SRPRB: variants seen among roughly 807,000 people sequenced by gnomAD.
SRPRB encodes the protein SRP receptor subunit beta.
A neutral mutation model predicts 31.9 loss-of-function variants in SRPRB; 20 were observed. The ratio of observed to expected loss-of-function variants is 0.63; its 90% CI spans 0.44 to 0.91. The LOEUF (loss-of-function observed/expected upper bound fraction) is 0.91. SRPRB is among the 40% of genes least tolerant of loss of function. The pLI, the probability that SRPRB is intolerant of heterozygous loss-of-function variation, is 0.00. For synonymous variants in SRPRB, 146 were observed against 132.8 expected, an observed-to-expected ratio of 1.10 and a Z score of -0.68; for missense variants, 321 against 324.9, an observed-to-expected ratio of 0.99 and a Z score of 0.09.
chr3:133,796,427 C>T (rs149408359), intron 1 of SRPRB: 4 of 152,326 alleles, frequency 2.6e-5, no homozygotes, highest in African/African-American at 9.7e-5. Context: ...ATGCTCACTT[C>T]CTAGAACTAA....
At chr3:133,814,356 C>T (rs1935328031) in intron 4 of SRPRB, among the ~76,000 whole-genome samples, 1 of 152,174 alleles carries the variant, frequency 6.6e-6, no homozygotes, top group Admixed American at 6.5e-5. Context: ...TGGTCTCGAT[C>T]TCCTGACCTC....
chr3:133,791,843 G>A (rs1179909355), intron 1 of SRPRB: 2 of 152,124 alleles, frequency 1.3e-5, no homozygotes, highest in African/African-American at 4.8e-5. Context: ...TATGTGTTGT[G>A]TGTGTACTAT....
At chr3:133,799,881 CCT>C (rs1486255990) in intron 1 of SRPRB, among the ~76,000 whole-genome samples, 2 of 152,156 alleles carry the variant, frequency 1.3e-5, no homozygotes, top group Non-Finnish European at 2.9e-5. Flanking sequence ...TGGAATGTTC[CCT>C]TGTAGAACAC....
upstream of SRPRB, chr3:133,805,808 C>G (rs760134691): frequency 6.3e-7 from 1 of 1,576,288 alleles, no homozygotes; most frequent in Admixed American, 1.8e-5. Context: ...GAGTGCAGGG[C>G]CACGTCGCTT....
upstream of SRPRB, among the ~76,000 whole-genome samples, chr3:133,804,377 A>C (rs1935112590): frequency 6.6e-6 from 1 of 152,152 alleles, no homozygotes; most frequent in Admixed American, 6.5e-5. Flanking sequence ...TTATTCTGGA[A>C]TAGGCATTGC....
At chr3:133,797,211 T>G (rs1934989889) in intron 1 of SRPRB, among the ~76,000 whole-genome samples, 1 of 152,232 alleles carries the variant, frequency 6.6e-6, no homozygotes, top group African/African-American at 2.4e-5. Flanking sequence ...GTTAGTAAAC[T>G]AATACATTGA....
At chr3:133,802,568 T>C (rs1479435456), upstream of SRPRB, among the ~76,000 whole-genome samples, 1 of 152,206 alleles carries the variant, frequency 6.6e-6, no homozygotes, top group Non-Finnish European at 1.5e-5. Context: ...TCAGACTCAT[T>C]CAAAGCCTTG....
intron 5 of SRPRB, 120 bp from the exon 6 acceptor site, chr3:133,816,758 T>G: frequency 1.4e-6 from 1 of 707,644 alleles, no homozygotes; most frequent in Non-Finnish European, 2.3e-6. Context: ...ATAAAAGGTC[T>G]TTTTTTAAAA....
chr3:133,801,602 T>C (rs1007992181), upstream of SRPRB, among the ~76,000 whole-genome samples: 1 of 152,222 alleles, frequency 6.6e-6, no homozygotes, highest in Non-Finnish European at 1.5e-5. Context: ...ACAGTTACGG[T>C]TGGAACTCTC....
intron 1 of SRPRB, among the ~76,000 whole-genome samples, chr3:133,799,064 A>G (rs1454050640): frequency 6.6e-6 from 1 of 152,200 alleles, no homozygotes; most frequent in Non-Finnish European, 1.5e-5. Flanking sequence ...AAGAAAAACT[A>G]CTAATACCCA....
chr3:133,787,248 T>C lies in SRPRB; in HGVS notation c.-174+3104T>C, dbSNP rs2107947617. 1.3e-5 allele frequency: 2 copies of C among 152,348 alleles called. 1 individual carries two copies. Among genetic ancestry groups the C allele is most frequent in the South Asian group, 4.1e-4 (2 of 4,826 alleles). 9.4% of individuals were successfully genotyped at this position (152,348 alleles called of 1,614,324 possible). A position where few individuals can be genotyped will look rare whatever the true frequency, so the allele number is the denominator to read the frequency against. The stretch of plus-strand genomic sequence containing the variant: ...ATTAGCACATTTTGCACACTTTGTA[T>C]TGAAATTCATAGGAAAGCTTGTCTT... On this transcript the variant is annotated intron_variant, in intron 1 of 7. Coordinates refer to the SRPRB transcript ENST00000466490.
rs1259871562 is a variant in SRPRB, at chr3:133,820,159, G to T, written c.*393G>T. 1.6e-5 allele frequency: 3 copies of T among 189,842 alleles called. No individual in the cohort carries two copies. The highest frequency in any genetic ancestry group is 3.3e-5 in the Non-Finnish European group (3 of 89,642). 11.8% of individuals were successfully genotyped at this position (189,842 alleles called of 1,614,324 possible). A position where few individuals can be genotyped will look rare whatever the true frequency, so the allele number is the denominator to read the frequency against. On this transcript the variant is annotated 3_prime_UTR_variant, in exon 7 of 7. Coordinates refer to ENST00000678299, the MANE Select transcript of SRPRB (RefSeq NM_001379313.1). ...GGAAACAAATCCGCCTATGTATGAA[G>T]CTAGTTGATTTCCAGTTGCACTATT... is the stretch of plus-strand genomic sequence containing the variant.
Position 133,805,839 on chromosome 3 carries a change from C to T in SRPRB, c.-10C>T, listed in dbSNP as rs1935141909. 1 of 1,603,858 alleles carries T rather than the reference C, an allele frequency of 6.2e-7. No individual in the cohort carries two copies. The highest frequency in any genetic ancestry group is 1.1e-5 in the South Asian group (1 of 88,838). ...CGCTTTTGCTGTACCGGGGACCACG[C>T]GTCTCATCCATGGCTTCCGCGGACT... On this transcript the variant is annotated 5_prime_UTR_variant, in exon 1 of 7. Coordinates refer to ENST00000678299, the MANE Select transcript of SRPRB (RefSeq NM_001379313.1).
intron 1 of SRPRB, chr3:133,792,140 A>C (rs1934854603): frequency 6.6e-6 from 1 of 152,218 alleles, no homozygotes; most frequent in African/African-American, 2.4e-5. Context: ...ATTAGATTCT[A>C]GATAAGGCCT....
rs560560573 is a variant in SRPRB at position 133,808,672 on chromosome 3, C to G, written c.327+849C>G. Among the ~76,000 whole-genome samples the G allele has an allele frequency of 3.9e-5, 6 of 152,110 alleles. No individual in the cohort carries two copies. The East Asian group carries it at 1.2e-3, about 30-fold the overall frequency. ...TTGGGAGACCAAGGTAGGCCGATCA[C>G]TTGAGGTCAGGAGTTCAAGACCAGC... is the stretch of plus-strand genomic sequence containing the variant. On this transcript the variant is annotated intron_variant, in intron 3 of 6. Coordinates refer to ENST00000678299, the MANE Select transcript of SRPRB (RefSeq NM_001379313.1).
chr3:133,798,499 A>G (rs145204926), intron 1 of SRPRB, among the ~76,000 whole-genome samples: 168 of 152,314 alleles, frequency 1.1e-3, no homozygotes, highest in African/African-American at 3.9e-3. Flanking sequence ...GGAATGCAGT[A>G]TTTTAATTGG....
upstream of SRPRB, among the ~76,000 whole-genome samples, chr3:133,804,023 G>C (rs1329013059): frequency 6.9e-6 from 1 of 144,532 alleles, no homozygotes; most frequent in African/African-American, 2.6e-5. Context: ...GTGAACCCGG[G>C]AGGCGGAGCT....
intron 1 of SRPRB, among the ~76,000 whole-genome samples, chr3:133,797,339 G>C (rs887504967): frequency 2.0e-5 from 3 of 152,324 alleles, no homozygotes; most frequent in Middle Eastern, 3.4e-3. Flanking sequence ...TGGATTGATA[G>C]AGATAGGAAG....
downstream of SRPRB, among the ~76,000 whole-genome samples, chr3:133,823,550 C>A (rs191098011): frequency 2.0e-3 from 299 of 152,256 alleles, 2 homozygotes; most frequent in African/African-American, 6.8e-3. Context: ...TGTTCTGGAA[C>A]CTTTATAAGC....
Sources: allele counts gnomAD v4.1 joint callset (sites outside exome capture counted in the v4.1 genomes callset), GRCh38; gene constraint gnomAD v4.1.1; transcripts MANE v1.5; gene names NCBI Gene and HGNC (gene_info 2026-07-23, HGNC 2026-07-21).